The following SLC71A2 variants were observed in gnomAD, a reference collection of about 807,000 sequenced individuals.
SLC71A2 encodes hippocampus abundant transcript-like 1.
At chr9:94,411,551 C>T in the SLC71A2 span, among the ~76,000 whole-genome samples, 5 of 151,516 alleles carry the variant, frequency 3.3e-5, no homozygotes, top group African/African-American at 7.3e-5. Context: ...TGTGAAGTGG[C>T]AGGATTCTAA....
chr9:94,455,947 T>G, the SLC71A2 span, among the ~76,000 whole-genome samples: 1 of 152,288 alleles, frequency 6.6e-6, no homozygotes, highest in South Asian at 2.1e-4. Context: ...TCATTGAGCT[T>G]ATGTCTAAAG....
chr9:94,457,214 G>A, the SLC71A2 span, among the ~76,000 whole-genome samples: 1,255 of 152,014 alleles, frequency 8.3e-3, 41 homozygotes, highest in Admixed American at 0.062. Flanking sequence ...TGCCTGCCTC[G>A]GCCTCTCAAA....
chr9:94,377,778 A>G, the SLC71A2 span, among the ~76,000 whole-genome samples: 1 of 151,868 alleles, frequency 6.6e-6, no homozygotes, highest in Non-Finnish European at 1.5e-5. Flanking sequence ...AAGAGAATCA[A>G]GTATTTACTC....
the SLC71A2 span, among the ~76,000 whole-genome samples, chr9:94,450,621 C>T: frequency 6.6e-6 from 1 of 151,752 alleles, no homozygotes; most frequent in East Asian, 1.9e-4. Context: ...TCCTGAGTAG[C>T]TGGGATTACA....
At chr9:94,398,299 A>T in the SLC71A2 span, among the ~76,000 whole-genome samples, 1 of 150,718 alleles carries the variant, frequency 6.6e-6, no homozygotes, top group Admixed American at 6.6e-5. Flanking sequence ...CAATAATGAG[A>T]TGCAGATGAA....
At chr9:94,454,051 G>A in the SLC71A2 span, 12 of 1,613,092 alleles carry the variant, frequency 7.4e-6, no homozygotes, top group Non-Finnish European at 1.0e-5. Context: ...AGCCTGGTAC[G>A]GTTTTGGATC....
the SLC71A2 span, among the ~76,000 whole-genome samples, chr9:94,442,740 C>G: frequency 6.6e-6 from 1 of 151,820 alleles, no homozygotes; most frequent in Non-Finnish European, 1.5e-5. Context: ...ATCTCAGCTA[C>G]CTGGGAGGCT....
the SLC71A2 span, among the ~76,000 whole-genome samples, chr9:94,443,675 C>T: frequency 6.6e-6 from 1 of 152,164 alleles, no homozygotes; most frequent in Admixed American, 6.5e-5. Flanking sequence ...AAGATAGACA[C>T]ATTTTGCATA....
chr9:94,415,104 A>G, the SLC71A2 span: 1 of 1,324,986 alleles, frequency 7.5e-7, no homozygotes, highest in Non-Finnish European at 1.1e-6. Context: ...CCATTTTAAG[A>G]TAATAGATTT....
the SLC71A2 span, among the ~76,000 whole-genome samples, chr9:94,437,510 AGTT>A: frequency 6.6e-6 from 1 of 152,294 alleles, no homozygotes; most frequent in Non-Finnish European, 1.5e-5. Context: ...TTTCAACTGT[AGTT>A]GTTGTTCAGG....
chr9:94,435,267 A>G, the SLC71A2 span, among the ~76,000 whole-genome samples: 907 of 152,294 alleles, frequency 6.0e-3, 7 homozygotes, highest in African/African-American at 0.02. Context: ...AAATAGAAGC[A>G]ATGCAAAGAG....
chr9:94,402,240 G>A, the SLC71A2 span, among the ~76,000 whole-genome samples: 2 of 152,128 alleles, frequency 1.3e-5, no homozygotes, highest in Non-Finnish European at 2.9e-5. Context: ...AGATGGAGTC[G>A]CTCTGGTTCA....
chr9:94,391,658 C>T, the SLC71A2 span, among the ~76,000 whole-genome samples: 2 of 149,236 alleles, frequency 1.3e-5, no homozygotes, highest in African/African-American at 4.9e-5. Context: ...GAGGTTGAGG[C>T]GGGCGGATTG....
the SLC71A2 span, among the ~76,000 whole-genome samples, chr9:94,404,965 A>G: frequency 1.3e-5 from 2 of 152,078 alleles, no homozygotes; most frequent in Non-Finnish European, 2.9e-5. Context: ...AGGGTTTCAT[A>G]GGTTTTGCTT....
At chr9:94,437,028 G>C in the SLC71A2 span, among the ~76,000 whole-genome samples, 3 of 150,644 alleles carry the variant, frequency 2.0e-5, no homozygotes, top group East Asian at 2.0e-4. Flanking sequence ...CTAGATAGAG[G>C]AGGAGGTGCT....
chr9:94,409,001 T>A, the SLC71A2 span, among the ~76,000 whole-genome samples: 14 of 151,688 alleles, frequency 9.2e-5, no homozygotes, highest in African/African-American at 3.1e-4. Flanking sequence ...TAATTTTTTT[T>A]ATTTTTAATT....
At chr9:94,407,464 C>T in the SLC71A2 span, among the ~76,000 whole-genome samples, 22 of 151,742 alleles carry the variant, frequency 1.4e-4, no homozygotes, top group Admixed American at 5.3e-4. Flanking sequence ...CTGCAACCTC[C>T]GCCTCCCAGA....
At chr9:94,436,898 A>C in the SLC71A2 span, among the ~76,000 whole-genome samples, 280 of 152,372 alleles carry the variant, frequency 1.8e-3, no homozygotes, top group African/African-American at 6.4e-3. Context: ...CCACGGGTAC[A>C]GAGATAAGAA....
the SLC71A2 span, among the ~76,000 whole-genome samples, chr9:94,421,336 G>A: frequency 2.2e-4 from 33 of 152,162 alleles, no homozygotes; most frequent in African/African-American, 7.7e-4. Context: ...ATCCAGTACT[G>A]TACCACACTC....
Sources: allele counts gnomAD v4.1 joint callset (sites outside exome capture counted in the v4.1 genomes callset), GRCh38; gene constraint gnomAD v4.1.1; transcripts MANE v1.5; gene names NCBI Gene and HGNC (gene_info 2026-07-23, HGNC 2026-07-21).